The following TCF7L1 variants were observed in gnomAD, a reference collection of about 807,000 sequenced individuals.
TCF7L1 encodes transcription factor 7 like 1, also known as transcription factor 7-like 1.
A neutral mutation model predicts 63.7 loss-of-function variants in TCF7L1; 18 were observed. The observed-to-expected ratio is 0.28, with a 90% CI of 0.20 to 0.42. The LOEUF (loss-of-function observed/expected upper bound fraction) is 0.42. TCF7L1 is among the 10% of genes least tolerant of loss of function. The probability of loss-of-function intolerance (pLI) is 1.00; values close to 1 mark genes in which losing one functional copy is unlikely to be tolerated. For synonymous variants in TCF7L1, 355 were observed against 340.9 expected, an observed-to-expected ratio of 1.04 and a Z score of -0.46; for missense variants, 654 against 779.3, an observed-to-expected ratio of 0.84 and a Z score of 1.91.
At chr2:85,228,214 G>A (rs1247537753) in intron 3 of TCF7L1, among the ~76,000 whole-genome samples, 2 of 151,948 alleles carry the variant, frequency 1.3e-5, no homozygotes, top group African/African-American at 4.8e-5. Context: ...GAGCCCACGG[G>A]TTCAAGATCA....
rs765049707 is a variant in TCF7L1 at position 85,134,472 on chromosome 2, C to G, written c.441+22C>G. ...CACCGTGAGTGCCCGTCGGGCGCGC[C>G]GGGGAGGGTGGGAGGCCGCGGCCCG... On this transcript the variant is annotated intron_variant, in intron 3 of 11. Transcript: ENST00000282111. The surrounding 1 kb of genome is among the most constrained non-coding windows in gnomAD (Gnocchi z 5.0). 20 of 1,547,144 alleles carry G rather than the reference C, an allele frequency of 1.3e-5. No individual in the cohort carries two copies. In the African/African-American group the frequency reaches 2.2e-4, roughly 17 times the overall value.
intron 3 of TCF7L1, among the ~76,000 whole-genome samples, chr2:85,140,913 CAGA>C (rs1353267125): frequency 1.3e-5 from 2 of 151,310 alleles, no homozygotes; most frequent in African/African-American, 4.9e-5. Flanking sequence ...GAGAGAGAGA[CAGA>C]AGAGAGAAAG....
intron 3 of TCF7L1, among the ~76,000 whole-genome samples, chr2:85,237,811 G>A (rs569680177): frequency 6.6e-6 from 1 of 151,918 alleles, no homozygotes; most frequent in South Asian, 2.1e-4. Flanking sequence ...AATCAGGCAG[G>A]GTCAGGGAGG....
chr2:85,272,882 G>T (rs1340645408), intron 3 of TCF7L1, among the ~76,000 whole-genome samples: 1 of 152,212 alleles, frequency 6.6e-6, no homozygotes, highest in African/African-American at 2.4e-5. Context: ...GGGCAGGAGC[G>T]GGGAGAGGCT....
intron 3 of TCF7L1, among the ~76,000 whole-genome samples, chr2:85,261,123 G>GGT (rs3223762): frequency 0.12 from 12,903 of 106,214 alleles, 593 homozygotes; most frequent in East Asian, 0.21. Context: ...AATTATTGCT[G>GGT]GTGTGTGTGT....
intron 3 of TCF7L1, among the ~76,000 whole-genome samples, chr2:85,256,514 C>T (rs757200102): frequency 3.1e-4 from 47 of 152,190 alleles, no homozygotes; most frequent in Non-Finnish European, 5.7e-4. Context: ...CCCCTGCTTC[C>T]GGACACACAA....
intron 3 of TCF7L1, among the ~76,000 whole-genome samples, chr2:85,236,277 T>C (rs912326200): frequency 4.6e-5 from 7 of 152,212 alleles, no homozygotes; most frequent in Non-Finnish European, 2.9e-5. Flanking sequence ...TCAGACCCTA[T>C]GGCACTCTGT....
chr2:85,248,448 A>G (rs1680518431), intron 3 of TCF7L1, among the ~76,000 whole-genome samples: 1 of 152,178 alleles, frequency 6.6e-6, no homozygotes, highest in Admixed American at 6.5e-5. Context: ...CTGCAGCCAA[A>G]TAAATACAAC....
chr2:85,166,888 A>T (rs1678430260), intron 3 of TCF7L1: 2 of 152,184 alleles, frequency 1.3e-5, no homozygotes, highest in South Asian at 4.1e-4. Flanking sequence ...ATATCTGGCA[A>T]TGCTGGTGCG....
At chr2:85,302,457 A>G in intron 4 of TCF7L1, 27 bp from the exon 5 acceptor site, 1 of 1,614,018 alleles carries the variant, frequency 6.2e-7, no homozygotes, top group South Asian at 1.1e-5. Context: ...CTTGGCAACC[A>G]TTCCTGGTCT....
chr2:85,231,248 G>A (rs1023313218), intron 3 of TCF7L1, among the ~76,000 whole-genome samples: 2 of 152,102 alleles, frequency 1.3e-5, no homozygotes, highest in African/African-American at 2.4e-5. Context: ...TCTGTCTGGC[G>A]CTTCCTCCTA....
At position 85,133,713 on chromosome 2, in the gene TCF7L1, G is replaced by A. The variant is rs1235268917; in HGVS notation, c.29G>A (p.Gly10Asp). 2.7e-6 allele frequency: 3 copies of A among 1,121,660 alleles called. No homozygotes were observed. The African/African-American group carries it at 5.0e-5, about 19-fold the overall frequency. The allele number at this position is 1,121,660 out of a possible 1,614,324, so 69.5% of individuals were successfully genotyped here. ...CCCCAGCTCGGCGGCGGGGGCGGCG[G>A]CGGCGGCGGCGGCAGCGGGGGAGGC... The part of the protein sequence containing the change: MPQLGGGGG[G>D]GGGGSGGGGG... Residue 10 changes from glycine (G) to aspartate (D), a missense_variant, in exon 1 of 12, where the codon GGC (glycine) becomes GAC (aspartate). This residue lies in a region of TCF7L1 where 404 missense variants were observed against 454.8 expected (regional missense o/e 0.89). Coordinates refer to ENST00000282111, the MANE Select transcript of TCF7L1 (RefSeq NM_031283.3). The surrounding 1 kb of genome is among the most constrained non-coding windows in gnomAD (Gnocchi z 4.4).
chr2:85,275,617 T>C (rs1681252791), intron 3 of TCF7L1, among the ~76,000 whole-genome samples: 1 of 152,206 alleles, frequency 6.6e-6, no homozygotes, highest in African/African-American at 2.4e-5. Flanking sequence ...AGTCACTTCA[T>C]TGGTTTAAGA....
chr2:85,189,101 C>G (rs540104502), intron 3 of TCF7L1, among the ~76,000 whole-genome samples: 1 of 152,260 alleles, frequency 6.6e-6, no homozygotes, highest in Non-Finnish European at 1.5e-5. Flanking sequence ...CTTCTCTGCT[C>G]CTCCAACTGG....
In TCF7L1 at chr2:85,241,431, G is replaced by GTTTTTTTTTTTTTTTTTTT. The variant is rs1273488175; in HGVS notation, c.442-42059_442-42058insTTTTTTTTTTTTTTTTTTT. On this transcript the variant is annotated intron_variant, in intron 3 of 11. Coordinates refer to ENST00000282111, the MANE Select transcript of TCF7L1 (RefSeq NM_031283.3). The stretch of plus-strand genomic sequence containing the variant: ...TGATCCAGAGGACTGGATGCACTTT[G>GTTTTTTTTTTTTTTTTTTT]TTTTTGTTTTTTTTTTTTTTTTTTT... Among the ~76,000 whole-genome samples, 6 of 68,786 alleles carry GTTTTTTTTTTTTTTTTTTT rather than the reference G, an allele frequency of 8.7e-5. 2 individuals carry two copies. Among genetic ancestry groups the GTTTTTTTTTTTTTTTTTTT allele is most frequent in the South Asian group, 5.7e-4 (1 of 1,764 alleles). 45.1% of individuals were successfully genotyped at this position (68,786 alleles called of 152,430 possible).
chr2:85,175,515 C>T (rs1678659984), intron 3 of TCF7L1, among the ~76,000 whole-genome samples: 1 of 152,094 alleles, frequency 6.6e-6, no homozygotes, highest in Non-Finnish European at 1.5e-5. Context: ...CATGGGTAGC[C>T]AGGATGGGGG....
At chr2:85,189,402 A>G (rs1678998308) in intron 3 of TCF7L1, among the ~76,000 whole-genome samples, 1 of 152,372 alleles carries the variant, frequency 6.6e-6, no homozygotes, top group Admixed American at 6.5e-5. Context: ...TGATGGGCAC[A>G]TGGAGGCGCC....
chr2:85,134,102 C>G lies in TCF7L1; in HGVS notation c.313+23C>G. On this transcript the variant is annotated intron_variant, in intron 2 of 11. Coordinates refer to ENST00000282111, the MANE Select transcript of TCF7L1 (RefSeq NM_031283.3). The surrounding 1 kb of genome is among the most constrained non-coding windows in gnomAD (Gnocchi z 5.0). The stretch of plus-strand genomic sequence containing the variant: ...AAGGTATGTGCCCGCTGGGACAGCC[C>G]CCCACTCTCGATTCCCGCTGCGCTC... 6.2e-7 allele frequency: 1 copy of G among 1,606,386 alleles called. No homozygotes were observed. Among genetic ancestry groups the G allele is most frequent in the Non-Finnish European group, 8.5e-7 (1 of 1,177,464 alleles).
intron 3 of TCF7L1, among the ~76,000 whole-genome samples, chr2:85,267,051 T>C (rs904283944): frequency 8.5e-5 from 13 of 152,124 alleles, no homozygotes; most frequent in African/African-American, 3.1e-4. Context: ...GGATTGAGAG[T>C]TGGCCTTGGC....
Sources: allele counts gnomAD v4.1 joint callset (sites outside exome capture counted in the v4.1 genomes callset), GRCh38; gene constraint gnomAD v4.1.1; regional missense constraint gnomAD v4.1.1; non-coding constraint Gnocchi (gnomAD v3.1); transcripts MANE v1.5; gene names NCBI Gene and HGNC (gene_info 2026-07-23, HGNC 2026-07-21).